Variants in GLUL observed in about 807,000 individuals in gnomAD.
GLUL encodes glutamine synthetase.
A neutral mutation model predicts 36.9 loss-of-function variants in GLUL; 8 were observed. The ratio of observed to expected loss-of-function variants is 0.22; its 90% CI spans 0.13 to 0.39. GLUL has a LOEUF of 0.39. Ranked by LOEUF, GLUL falls within the 10% of genes least tolerant of loss-of-function variation. GLUL has a pLI of 1.00. For synonymous variants in GLUL, 182 were observed against 172.8 expected (o/e 1.05, Z -0.42); for missense variants, 315 against 501.8 (o/e 0.63, Z 3.56).
At chr1:182,387,553 C>T (rs1650236950) in intron 2 of GLUL, among the ~76,000 whole-genome samples, 1 of 152,186 alleles carries the variant, frequency 6.6e-6, no homozygotes, top group South Asian at 2.1e-4. Context: ...CAAATGTCTT[C>T]CAGGAGACAA....
chr1:182,379,853 T>TA lies in GLUL; in HGVS notation c.*4551_*4552insT, dbSNP rs1487955968. Among the ~76,000 whole-genome samples, 2 of 150,046 alleles carry TA rather than the reference T, an allele frequency of 1.3e-5. No individual in the cohort carries two copies. Among genetic ancestry groups the TA allele is most frequent in the African/African-American group, 4.9e-5 (2 of 40,742 alleles). On this transcript the variant is annotated 3_prime_UTR_variant, in exon 7 of 7. Coordinates refer to ENST00000331872, the MANE Select transcript of GLUL (RefSeq NM_001033044.4). Reference sequence around the variant, plus strand: ...GCCCAGCCTCAGTTACAACTTTTTTTTTTTTTTTGAGATGGAGTTTCCCTC... The same window carrying TA: ...GCCCAGCCTCAGTTACAACTTTTTTTATTTTTTTTGAGATGGAGTTTCCCTC...
In GLUL at chr1:182,380,236, A is replaced by C. The variant is rs1191682645; in HGVS notation, c.*4169T>G. Among the ~76,000 whole-genome samples, 1 of 152,218 alleles carries C rather than the reference A, an allele frequency of 6.6e-6. No homozygotes were observed. Among genetic ancestry groups the C allele is most frequent in the African/African-American group, 2.4e-5 (1 of 41,456 alleles). ...ACACTATTTTCCACAGTACACTCCC[A>C]CGAAGTTTTTAGTGCTGCCATAATG... On this transcript the variant is annotated 3_prime_UTR_variant, in exon 7 of 7. Transcript: ENST00000331872.
chr1:182,389,116 C>T (rs767165748), intron 1 of GLUL: 15 of 337,880 alleles, frequency 4.4e-5, no homozygotes, highest in Non-Finnish European at 7.5e-5. Flanking sequence ...AGAACTTATA[C>T]TTGTGAGGAC....
At chr1:182,390,824 G>GT (rs1650382232) in intron 1 of GLUL, 1 of 392,408 alleles carries the variant, frequency 2.5e-6, no homozygotes, top group African/African-American at 2.3e-5. Context: ...TGCTTTCTTC[G>GT]TGGACTTGCG....
chr1:182,390,635 G>A (rs1650371362), intron 1 of GLUL: 2 of 399,416 alleles, frequency 5.0e-6, no homozygotes, highest in African/African-American at 4.1e-5. Context: ...GGGCGATGGA[G>A]AAGGGGACAG....
rs76673199 is a variant in GLUL, at chr1:182,383,858, G to T, written c.*547C>A. On this transcript the variant is annotated 3_prime_UTR_variant, in exon 7 of 7. Transcript: ENST00000331872. ...TACTAAGCTTCGTGTTCAGAGCAGG[G>T]CATTTAGTCCCAAGCCAGGCTAGTC... 2,137 of 169,092 alleles carry T rather than the reference G, an allele frequency of 0.013. 22 individuals carry two copies. Among genetic ancestry groups the T allele is most frequent in the Middle Eastern group, 0.019 (6 of 320 alleles). The allele number at this position is 169,092 out of a possible 1,614,324, so 10.5% of individuals were successfully genotyped here.
At position 182,381,791 on chromosome 1, in the gene GLUL, A is replaced by G. The variant is rs1015966219; in HGVS notation, c.*2614T>C. 6.6e-6 allele frequency: 1 copy of G among 152,214 alleles called. No individual in the cohort carries two copies. The highest frequency in any genetic ancestry group is 1.9e-4 in the East Asian group (1 of 5,194). 9.4% of individuals were successfully genotyped at this position (152,214 alleles called of 1,614,324 possible). A position where few individuals can be genotyped will look rare whatever the true frequency, so the allele number is the denominator to read the frequency against. On this transcript the variant is annotated 3_prime_UTR_variant, in exon 7 of 7. Transcript: ENST00000331872. The stretch of plus-strand genomic sequence containing the variant: ...AGGGTGGCCAAGCAAAGGGAAGACA[A>G]CTTCAGTTGGGGGGGTGGAAGCACA...
chr1:182,390,431 G>A, intron 1 of GLUL: 1 of 398,508 alleles, frequency 2.5e-6, no homozygotes. Flanking sequence ...AATGGATTCT[G>A]AAGTTTTCAG....
chr1:182,381,353 C>T lies in GLUL; in HGVS notation c.*3052G>A, dbSNP rs1011684386. On this transcript the variant is annotated 3_prime_UTR_variant, in exon 7 of 7. Transcript: ENST00000331872. Reference sequence around the variant, plus strand: ...TTGTGCTATCAGTTGTTATTTAGTACCTGGCAAGATGATATTAGGGGAACT... The same window carrying T: ...TTGTGCTATCAGTTGTTATTTAGTATCTGGCAAGATGATATTAGGGGAACT... Among the ~76,000 whole-genome samples the T allele has an allele frequency of 4.6e-5, 7 of 152,136 alleles. No individual in the cohort carries two copies. The highest frequency in any genetic ancestry group is 1.4e-4 in the African/African-American group (6 of 41,424).
At chr1:182,384,761 TC>T in intron 6 of GLUL, 38 bp from the exon 7 acceptor site, 1 of 1,507,482 alleles carries the variant, frequency 6.6e-7, no homozygotes, top group South Asian at 1.1e-5. Context: ...CAACCTTGTC[TC>T]CAGGTATGGA....
rs1055773294 is a variant in GLUL, at chr1:182,381,619, A to T, written c.*2786T>A. On this transcript the variant is annotated 3_prime_UTR_variant, in exon 7 of 7. Transcript: ENST00000331872. ...ACAAATATGCTGGTTGTTTTCACCT[A>T]AATTCTGATCCTATGAATTTAAAAT... 1 of 152,228 alleles carries T rather than the reference A, an allele frequency of 6.6e-6. No individual in the cohort carries two copies. The highest frequency in any genetic ancestry group is 1.5e-5 in the Non-Finnish European group (1 of 68,026). The allele number at this position is 152,228 out of a possible 1,614,324, so 9.4% of individuals were successfully genotyped here. A position where few individuals can be genotyped will look rare whatever the true frequency, so the allele number is the denominator to read the frequency against.
In GLUL at chr1:182,386,933, C is replaced by G. The variant is rs1159517347; in HGVS notation, c.328+198G>C. The G allele has an allele frequency of 4.7e-6, 3 of 638,944 alleles. No individual in the cohort carries two copies. The African/African-American group carries it at 5.5e-5, about 12-fold the overall frequency. The allele number at this position is 638,944 out of a possible 1,614,324, so 39.6% of individuals were successfully genotyped here. ...CAAATCCAATGCTATTTTATGCAAC[C>G]AACAGAGAAGACCATAGAAAGATGG... On this transcript the variant is annotated intron_variant, in intron 3 of 6. Coordinates refer to ENST00000331872, the MANE Select transcript of GLUL (RefSeq NM_001033044.4).
chr1:182,388,704 CTTTA>C lies in GLUL; in HGVS notation c.30_33del (p.Asn10LysfsTer103). The C allele has an allele frequency of 1.2e-6, 2 of 1,613,992 alleles. No homozygotes were observed. Among genetic ancestry groups the C allele is most frequent in the Non-Finnish European group, 8.5e-7 (1 of 1,179,904 alleles). ...AGGGACATGTACACCTGCTTGATGCCTTTATTTAAGTGGGAACTTGCTGAGGTGG... is the reference window on the plus strand; with the variant it reads ...AGGGACATGTACACCTGCTTGATGCCTTTAAGTGGGAACTTGCTGAGGTGG... On this transcript the variant is annotated frameshift_variant, in exon 2 of 7. Coordinates refer to ENST00000331872, the MANE Select transcript of GLUL (RefSeq NM_001033044.4). LOFTEE classifies it high-confidence loss of function.
At chr1:182,386,953 A>G in intron 3 of GLUL, 178 bp downstream of exon 3, 1 of 672,750 alleles carries the variant, frequency 1.5e-6, no homozygotes, top group Admixed American at 2.2e-5. Context: ...GACCATAGAA[A>G]GATGGGCCAT....
intron 1 of GLUL, chr1:182,390,752 A>T (rs1650376862): frequency 2.5e-6 from 1 of 399,002 alleles, no homozygotes; most frequent in South Asian, 1.3e-4. Flanking sequence ...GACGAAGCCG[A>T]AGCAGCTGGA....
rs1211974199 is a variant in GLUL at position 182,378,232 on chromosome 1, A to T, written c.*6173T>A. Among the ~76,000 whole-genome samples the T allele has an allele frequency of 6.6e-6, 1 of 152,200 alleles. No individual in the cohort carries two copies. Among genetic ancestry groups the T allele is most frequent in the African/African-American group, 2.4e-5 (1 of 41,454 alleles). ...CCGTACAGTGGAGGAAACACGCTGC[A>T]ATCTCAAGACAATGCAGGTAACTCA... On this transcript the variant is annotated 3_prime_UTR_variant, in exon 7 of 7. Coordinates refer to ENST00000331872, the MANE Select transcript of GLUL (RefSeq NM_001033044.4).
At chr1:182,391,194 G>C (rs946653484) in intron 1 of GLUL, 17 of 398,450 alleles carry the variant, frequency 4.3e-5, no homozygotes, top group Admixed American at 3.1e-4. Context: ...CCGCAATCGA[G>C]GCGTCTCAAC....
chr1:182,385,277 C>T, intron 6 of GLUL, 80 bp downstream of exon 6: 1 of 1,092,790 alleles, frequency 9.2e-7, no homozygotes. Flanking sequence ...GCAAAGGAGA[C>T]TTTGCTGAGA....
intron 4 of GLUL, 117 bp downstream of exon 4, chr1:182,386,139 G>T: frequency 9.3e-7 from 1 of 1,071,274 alleles, no homozygotes; most frequent in Non-Finnish European, 1.5e-6. Flanking sequence ...GGGCTGTTTC[G>T]CCTTTACTGT....
Sources: gnomAD v4.1 joint callset for allele counts (sites outside exome capture counted in the v4.1 genomes callset) on GRCh38, gnomAD v4.1.1 for gene constraint, MANE v1.5 for transcripts, NCBI Gene and HGNC (gene_info 2026-07-23, HGNC 2026-07-21) for gene names.